LHX4: variants seen among roughly 807,000 people sequenced by gnomAD.
LHX4 encodes LIM homeobox 4.
Under a neutral mutation model 39.2 loss-of-function variants are expected in LHX4, and 16 were observed. The ratio of observed to expected loss-of-function variants is 0.41; its 90% CI spans 0.28 to 0.62. LHX4 has a LOEUF of 0.62. Among genes scored for constraint, LHX4 ranks in the 20% least tolerant of loss-of-function variants. LHX4 has a pLI of 0.33. For missense variants in LHX4, 439 were observed against 511.9 expected, an observed-to-expected ratio of 0.86 and a Z score of 1.37; for synonymous variants, 206 against 198.1, an observed-to-expected ratio of 1.04 and a Z score of -0.33.
At chr1:180,265,571 T>C (rs1462400235) in intron 2 of LHX4, among the ~76,000 whole-genome samples, 1 of 152,204 alleles carries the variant, frequency 6.6e-6, no homozygotes, top group Non-Finnish European at 1.5e-5. Context: ...AGAAGCTGCC[T>C]TGGTGGCAGC....
intron 1 of LHX4, among the ~76,000 whole-genome samples, 183 bp from the exon 2 acceptor site, chr1:180,248,102 T>C (rs919118161): frequency 1.1e-4 from 16 of 152,222 alleles, no homozygotes; most frequent in South Asian, 2.1e-4. Flanking sequence ...AGTCCCCACT[T>C]GTTCCTTGAC....
intron 5 of LHX4, among the ~76,000 whole-genome samples, chr1:180,272,235 C>T (rs957081111): frequency 6.6e-6 from 1 of 152,088 alleles, no homozygotes; most frequent in Non-Finnish European, 1.5e-5. Context: ...ATGGGCCAGG[C>T]CCCGTCCTGT....
intron 2 of LHX4, among the ~76,000 whole-genome samples, chr1:180,255,948 G>A (rs572043410): frequency 1.3e-5 from 2 of 152,332 alleles, no homozygotes; most frequent in African/African-American, 4.8e-5. Flanking sequence ...GGGTGACATG[G>A]GAGTGGAAGC....
At chr1:180,235,956 A>G (rs1361195690) in intron 1 of LHX4, among the ~76,000 whole-genome samples, 1 of 152,144 alleles carries the variant, frequency 6.6e-6, no homozygotes, top group Non-Finnish European at 1.5e-5. Flanking sequence ...GAAAAAGGAA[A>G]TGAATTACTA....
At chr1:180,248,891 TCTGTGA>T (rs1409186337) in intron 2 of LHX4, among the ~76,000 whole-genome samples, 3 of 152,270 alleles carry the variant, frequency 2.0e-5, no homozygotes, top group African/African-American at 7.2e-5. Context: ...CAGAGGCGTC[TCTGTGA>T]CTGTGTTTGC....
At chr1:180,238,090 A>G (rs1218424616) in intron 1 of LHX4, among the ~76,000 whole-genome samples, 2 of 152,252 alleles carry the variant, frequency 1.3e-5, no homozygotes, top group Non-Finnish European at 2.9e-5. Context: ...ACATATTTAC[A>G]TTGTGTATTT....
In LHX4 at chr1:180,232,822, C is replaced by T. The variant is rs530843464; in HGVS notation, c.76+2217C>T. Among the ~76,000 whole-genome samples the T allele has an allele frequency of 6.8e-4, 104 of 152,300 alleles. 1 individual carries two copies. The highest frequency in any genetic ancestry group is 2.5e-3 in the African/African-American group (103 of 41,552). ...GTTTTCTTGGGACTGGGCCCAGTGGCCTAAGAAGGGGGGAAGCTCGAGGGG... is the reference window on the plus strand; with the variant it reads ...GTTTTCTTGGGACTGGGCCCAGTGGTCTAAGAAGGGGGGAAGCTCGAGGGG... On this transcript the variant is annotated intron_variant, in intron 1 of 5. Coordinates refer to ENST00000263726, the MANE Select transcript of LHX4 (RefSeq NM_033343.4). The surrounding 1 kb of genome is among the most constrained non-coding windows in gnomAD (Gnocchi z 5.4).
chr1:180,239,416 G>T (rs1490156685), intron 1 of LHX4, among the ~76,000 whole-genome samples: 6 of 152,236 alleles, frequency 3.9e-5, no homozygotes, highest in Admixed American at 2.6e-4. Context: ...AGTTGCATAT[G>T]TGATTCCTTA....
chr1:180,250,632 G>A (rs1647588998), intron 2 of LHX4, among the ~76,000 whole-genome samples: 1 of 152,196 alleles, frequency 6.6e-6, no homozygotes, highest in African/African-American at 2.4e-5. Flanking sequence ...GGAAGCCTGT[G>A]GGGTATGAGC....
At chr1:180,253,103 G>A (rs1391751965) in intron 2 of LHX4, among the ~76,000 whole-genome samples, 1 of 152,190 alleles carries the variant, frequency 6.6e-6, no homozygotes, top group Non-Finnish European at 1.5e-5. Flanking sequence ...CATCAGGAGA[G>A]CCCACCCCTG....
At chr1:180,260,568 A>G (rs1288388826) in intron 2 of LHX4, among the ~76,000 whole-genome samples, 1 of 151,876 alleles carries the variant, frequency 6.6e-6, no homozygotes, top group African/African-American at 2.4e-5. Context: ...TGGGGTCCAG[A>G]GTGGCCCATG....
chr1:180,237,972 GC>G (rs1664363166), intron 1 of LHX4, among the ~76,000 whole-genome samples: 1 of 152,138 alleles, frequency 6.6e-6, no homozygotes, highest in African/African-American at 2.4e-5. Flanking sequence ...ACATGGATTT[GC>G]TTAATGTAAT....
Position 180,277,709 on chromosome 1 carries a change from T to C in LHX4, c.*3130T>C, listed in dbSNP as rs936378764. ...ACCTCAGGCAAATTCCTCTCAGTCT[T>C]TGTGCTTTCTCTTTCTTGTCTCATC... On this transcript the variant is annotated 3_prime_UTR_variant, in exon 6 of 6. Coordinates refer to ENST00000263726, the MANE Select transcript of LHX4 (RefSeq NM_033343.4). The C allele has an allele frequency of 6.6e-6, 1 of 152,194 alleles. No individual in the cohort carries two copies. Among genetic ancestry groups the C allele is most frequent in the Non-Finnish European group, 1.5e-5 (1 of 68,042 alleles). The allele number at this position is 152,194 out of a possible 1,614,324, so 9.4% of individuals were successfully genotyped here. A position where few individuals can be genotyped will look rare whatever the true frequency, so the allele number is the denominator to read the frequency against.
intron 3 of LHX4, chr1:180,270,970 C>A: frequency 3.2e-6 from 1 of 310,504 alleles, no homozygotes. Flanking sequence ...GGGAGGGCAT[C>A]TGGGGCGACT....
At chr1:180,257,700 G>A (rs1647916151) in intron 2 of LHX4, among the ~76,000 whole-genome samples, 1 of 152,224 alleles carries the variant, frequency 6.6e-6, no homozygotes, top group Non-Finnish European at 1.5e-5. Context: ...TATACGGCCA[G>A]CAGTAAATCA....
Position 180,278,143 on chromosome 1 carries a change from GA to G in LHX4, c.*3568del. 6.6e-6 allele frequency: 1 copy of G among 152,316 alleles called. No individual in the cohort carries two copies. The highest frequency in any genetic ancestry group is 1.9e-4 in the East Asian group (1 of 5,192). The allele number at this position is 152,316 out of a possible 1,614,324, so 9.4% of individuals were successfully genotyped here. The stretch of plus-strand genomic sequence containing the variant: ...CGACTGACAACTTGGTTATAACCAT[GA>G]AAATAATGACCATACCTCCCCAGCC... On this transcript the variant is annotated 3_prime_UTR_variant, in exon 6 of 6. Coordinates refer to ENST00000263726, the MANE Select transcript of LHX4 (RefSeq NM_033343.4).
At chr1:180,267,535 C>G (rs1648373108) in intron 3 of LHX4, among the ~76,000 whole-genome samples, 1 of 152,226 alleles carries the variant, frequency 6.6e-6, no homozygotes. Context: ...CAGATGCACC[C>G]ACATGGTCGT....
At chr1:180,263,491 G>A (rs1316687856) in intron 2 of LHX4, among the ~76,000 whole-genome samples, 1 of 71,496 alleles carries the variant, frequency 1.4e-5, no homozygotes, top group Non-Finnish European at 2.9e-5. Context: ...TGTGGGCCAA[G>A]GAGGTGCTGC....
chr1:180,237,155 T>G (rs1394493322), intron 1 of LHX4, among the ~76,000 whole-genome samples: 3 of 151,004 alleles, frequency 2.0e-5, no homozygotes, highest in Non-Finnish European at 4.4e-5. Context: ...CTTTGCAAAA[T>G]CTTTGCAGGG....
Sources: allele counts gnomAD v4.1 joint callset (sites outside exome capture counted in the v4.1 genomes callset), GRCh38; gene constraint gnomAD v4.1.1; non-coding constraint Gnocchi (gnomAD v3.1); transcripts MANE v1.5; gene names NCBI Gene and HGNC (gene_info 2026-07-23, HGNC 2026-07-21).